Variants in SNTG2 observed in about 807,000 individuals in gnomAD.
SNTG2 encodes syntrophin gamma 2.
In SNTG2, 74 loss-of-function variants were observed where a neutral mutation model predicts 70.9. That is an observed-to-expected ratio of 1.04 (90% CI 0.86 to 1.27). The LOEUF is 1.27. SNTG2 is among the 50% of genes most tolerant of loss of function. The pLI is 0.00. For synonymous variants in SNTG2, 278 were observed against 273.8 expected, an observed-to-expected ratio of 1.02 and a Z score of -0.15; for missense variants, 717 against 690.7, an observed-to-expected ratio of 1.04 and a Z score of -0.43.
chr2:1,054,114 G>A (rs1157224099), intron 1 of SNTG2, among the ~76,000 whole-genome samples: 1 of 152,192 alleles, frequency 6.6e-6, no homozygotes, highest in Non-Finnish European at 1.5e-5. Context: ...GTCTGCTGGG[G>A]CACTGCGGAC....
At chr2:1,081,715 C>T (rs1276376642) in intron 1 of SNTG2, among the ~76,000 whole-genome samples, 1 of 152,242 alleles carries the variant, frequency 6.6e-6, no homozygotes, top group East Asian at 1.9e-4. Context: ...GGCAGCACTC[C>T]CAGTTCCAGC....
chr2:1,122,966 AAAAT>A (rs1667471037), intron 4 of SNTG2, among the ~76,000 whole-genome samples: 1 of 152,046 alleles, frequency 6.6e-6, no homozygotes, highest in South Asian at 2.1e-4. Context: ...GCATCAGAAA[AAAAT>A]AAAATATTTA....
chr2:965,113 C>T (rs904909061), intron 1 of SNTG2, among the ~76,000 whole-genome samples: 6 of 150,682 alleles, frequency 4.0e-5, no homozygotes, highest in Non-Finnish European at 7.4e-5. Flanking sequence ...TCCTTGGACC[C>T]CAGTCCTCCT....
chr2:1,240,862 TATG>T (rs1677001298), intron 11 of SNTG2, among the ~76,000 whole-genome samples: 3 of 152,248 alleles, frequency 2.0e-5, no homozygotes, highest in Admixed American at 2.0e-4. Context: ...ATAGATATTT[TATG>T]ATTAATATTT....
intron 8 of SNTG2, among the ~76,000 whole-genome samples, chr2:1,202,874 G>C (rs552683677): frequency 2.0e-5 from 3 of 152,226 alleles, no homozygotes; most frequent in African/African-American, 7.2e-5. Flanking sequence ...CATAATAATT[G>C]TAAATATGGT....
At chr2:1,220,848 AGCCCTGGG>A (rs1674709195) in intron 9 of SNTG2, among the ~76,000 whole-genome samples, 1 of 152,182 alleles carries the variant, frequency 6.6e-6, no homozygotes, top group Non-Finnish European at 1.5e-5. Flanking sequence ...CGTGGTGCCC[AGCCCTGGG>A]CCGCCCCCTC....
At chr2:1,300,327 G>A (rs1014516377) in intron 14 of SNTG2, among the ~76,000 whole-genome samples, 3 of 152,212 alleles carry the variant, frequency 2.0e-5, no homozygotes, top group Non-Finnish European at 4.4e-5. Flanking sequence ...GATGGTCTTC[G>A]TTAGCTAAAG....
chr2:1,239,708 G>T (rs1470374652), intron 10 of SNTG2, 30 bp from the exon 11 acceptor site: 1 of 1,611,574 alleles, frequency 6.2e-7, no homozygotes. Flanking sequence ...TGGTGGCTGT[G>T]GCCCTGACTC....
At chr2:1,203,677 T>A (rs1350324971) in intron 8 of SNTG2, among the ~76,000 whole-genome samples, 4 of 64,034 alleles carry the variant, frequency 6.2e-5, no homozygotes, top group African/African-American at 2.1e-4. Flanking sequence ...AAAAAAAATA[T>A]ATATATATAT....
chr2:1,191,087 A>G (rs1253448385), intron 8 of SNTG2, among the ~76,000 whole-genome samples: 2 of 152,236 alleles, frequency 1.3e-5, no homozygotes, highest in African/African-American at 4.8e-5. Flanking sequence ...GCAAAGAACA[A>G]GAAAGAAAAT....
rs192474227 is a variant in SNTG2, at chr2:1,287,335, G to A, written c.1284+19764G>A. On this transcript the variant is annotated intron_variant, in intron 14 of 16. Coordinates refer to ENST00000308624, the MANE Select transcript of SNTG2 (RefSeq NM_018968.4). ...GCACCAGGGCCTCTGTGGATGCAGC[G>A]GGTGCTCCTTTGTCTGAGCCAACCT... Among the ~76,000 whole-genome samples, 40 of 152,316 alleles carry A rather than the reference G, an allele frequency of 2.6e-4. 1 individual carries two copies. The highest frequency in any genetic ancestry group is 6.2e-4 in the South Asian group (3 of 4,824).
At chr2:1,069,339 GAAAAA>G (rs36036888) in intron 1 of SNTG2, among the ~76,000 whole-genome samples, 1 of 142,726 alleles carries the variant, frequency 7.0e-6, no homozygotes, top group East Asian at 2.0e-4. Flanking sequence ...TTATATAAAT[GAAAAA>G]AAAAAAAACC....
intron 12 of SNTG2, among the ~76,000 whole-genome samples, chr2:1,255,855 T>TATATATAAATATATATAA (rs1553373331): frequency 1.5e-3 from 87 of 59,920 alleles, no homozygotes; most frequent in Admixed American, 1.8e-3. Context: ...TATATATAAA[T>TATATATAAATATATATAA]ATATATAAAT....
intron 9 of SNTG2, among the ~76,000 whole-genome samples, chr2:1,222,557 AG>A (rs1675369932): frequency 2.1e-5 from 1 of 47,992 alleles, no homozygotes; most frequent in African/African-American, 9.3e-5. Flanking sequence ...TGTAGAGGAA[AG>A]CGGTGCAGTG....
At chr2:1,289,032 C>A (rs945260230) in intron 14 of SNTG2, among the ~76,000 whole-genome samples, 1 of 152,174 alleles carries the variant, frequency 6.6e-6, no homozygotes, top group East Asian at 2.0e-4. Context: ...ATTCCACGAT[C>A]ATCTTGATCA....
chr2:1,029,395 T>C (rs1272079327), intron 1 of SNTG2, among the ~76,000 whole-genome samples: 1 of 152,192 alleles, frequency 6.6e-6, no homozygotes, highest in Non-Finnish European at 1.5e-5. Flanking sequence ...CTAAATAAAT[T>C]CACAGTGTCA....
rs186923099 is a variant in SNTG2 at position 1,006,553 on chromosome 2, A to T, written c.72+55485A>T. Among the ~76,000 whole-genome samples, 174 of 152,196 alleles carry T rather than the reference A, an allele frequency of 1.1e-3. 1 individual carries two copies. The highest frequency in any genetic ancestry group is 2.8e-4 in the Non-Finnish European group (19 of 67,994). On this transcript the variant is annotated intron_variant, in intron 1 of 16. Transcript: ENST00000308624. ...CTTTTAGTTATACTTTTCTGTATAG[A>T]CTTGGCCCGCCACATCCGTGGGTTC...
chr2:1,150,910 G>A (rs1284935464), intron 6 of SNTG2, among the ~76,000 whole-genome samples: 10 of 23,314 alleles, frequency 4.3e-4, no homozygotes, highest in Admixed American at 2.5e-3. Flanking sequence ...GCAGCCATGC[G>A]GCTGCTGAAC....
chr2:1,283,301 G>C (rs1408076943), intron 14 of SNTG2, among the ~76,000 whole-genome samples: 1 of 152,132 alleles, frequency 6.6e-6, no homozygotes, highest in East Asian at 1.9e-4. Flanking sequence ...TGCACACCCA[G>C]ACCCCTGCCA....
Sources: gnomAD v4.1 joint callset for allele counts (sites outside exome capture counted in the v4.1 genomes callset) on GRCh38, gnomAD v4.1.1 for gene constraint, MANE v1.5 for transcripts, NCBI Gene and HGNC (gene_info 2026-07-23, HGNC 2026-07-21) for gene names.